PLPP4: variants seen among roughly 807,000 people sequenced by gnomAD.
PLPP4 encodes the protein diacylglycerol pyrophosphate like 2.
Under a neutral mutation model 32.2 loss-of-function variants are expected in PLPP4, and 20 were observed. The observed-to-expected ratio is 0.62, with a 90% CI of 0.44 to 0.90. The LOEUF (loss-of-function observed/expected upper bound fraction) is 0.90. PLPP4 is among the 40% of genes least tolerant of loss of function. The pLI is 0.00. For synonymous variants in PLPP4, 127 were observed against 133.0 expected, an observed-to-expected ratio of 0.95 and a Z score of 0.31; for missense variants, 257 against 353.1, an observed-to-expected ratio of 0.73 and a Z score of 2.18.
At chr10:120,463,092 A>G (rs1335908802) in intron 1 of PLPP4, among the ~76,000 whole-genome samples, 1 of 138,014 alleles carries the variant, frequency 7.2e-6, no homozygotes, top group East Asian at 2.1e-4. Context: ...CAATGGTGCG[A>G]TCTCGGCTCA....
chr10:120,525,026 C>T (rs1356524549), intron 5 of PLPP4, among the ~76,000 whole-genome samples: 4 of 152,168 alleles, frequency 2.6e-5, no homozygotes, highest in Non-Finnish European at 4.4e-5. Flanking sequence ...TAAAGCAATA[C>T]TCTCATCCAG....
At chr10:120,556,396 A>G (rs1168935689) in intron 5 of PLPP4, among the ~76,000 whole-genome samples, 1 of 152,218 alleles carries the variant, frequency 6.6e-6, no homozygotes, top group Non-Finnish European at 1.5e-5. Flanking sequence ...GGAGTGGAAC[A>G]GTTATGTTTA....
intron 5 of PLPP4, among the ~76,000 whole-genome samples, chr10:120,547,250 CAAA>C (rs1046654201): frequency 6.6e-6 from 1 of 151,404 alleles, no homozygotes; most frequent in African/African-American, 2.4e-5. Context: ...AAATGCCTTT[CAAA>C]GAAAGGCATT....
chr10:120,563,729 A>G (rs1300729101), intron 5 of PLPP4, among the ~76,000 whole-genome samples: 2 of 124,574 alleles, frequency 1.6e-5, no homozygotes, highest in African/African-American at 3.0e-5. Context: ...GAACCCAGGA[A>G]GCGGAGCTTG....
Position 120,469,192 on chromosome 10 carries a change from A to G in PLPP4, c.56+11831A>G, listed in dbSNP as rs1252380257. On this transcript the variant is annotated intron_variant, in intron 1 of 6. Coordinates refer to ENST00000398250, the MANE Select transcript of PLPP4 (RefSeq NM_001030059.3). The stretch of plus-strand genomic sequence containing the variant: ...AATTTTATGATGTAATAGTTAAGGA[A>G]AAGCACTATACAAAAATATACCTCG... Among the ~76,000 whole-genome samples, 4 of 61,916 alleles carry G rather than the reference A, an allele frequency of 6.5e-5. 2 individuals are homozygous for G. The highest frequency in any genetic ancestry group is 1.9e-4 in the Non-Finnish European group (4 of 21,576). 40.6% of individuals were successfully genotyped at this position (61,916 alleles called of 152,430 possible). A position where few individuals can be genotyped will look rare whatever the true frequency, so the allele number is the denominator to read the frequency against.
At position 120,564,453 on chromosome 10, in the gene PLPP4, G is replaced by A. The variant is rs188873656; in HGVS notation, c.446-10678G>A. 2.6e-5 allele frequency among the ~76,000 whole-genome samples: 4 copies of A among 151,934 alleles called. No homozygotes were observed. In the East Asian group the frequency reaches 5.8e-4, roughly 22 times the overall value. On this transcript the variant is annotated intron_variant, in intron 5 of 6. Coordinates refer to ENST00000398250, the MANE Select transcript of PLPP4 (RefSeq NM_001030059.3). ...GAATTTTAAAATTGTTGGACACAAA[G>A]TTGTTATATGTCTATTAGAACAAGA...
At chr10:120,533,989 C>A (rs891948851) in intron 5 of PLPP4, among the ~76,000 whole-genome samples, 25 of 152,112 alleles carry the variant, frequency 1.6e-4, no homozygotes, top group African/African-American at 5.6e-4. Context: ...CTTTTTAAAT[C>A]AGTTAAGAAA....
chr10:120,528,068 C>CTTTTTTTTTTTTTTTTTTTT (rs1564817488), intron 5 of PLPP4, among the ~76,000 whole-genome samples: 1 of 120,272 alleles, frequency 8.3e-6, no homozygotes, highest in African/African-American at 3.4e-5. Flanking sequence ...TACCACTCTC[C>CTTTTTTTTTTTTTTTTTTTT]GTTTTTTTTT....
At chr10:120,531,587 G>A (rs923974862) in intron 5 of PLPP4, among the ~76,000 whole-genome samples, 4 of 151,824 alleles carry the variant, frequency 2.6e-5, no homozygotes, top group Non-Finnish European at 5.9e-5. Flanking sequence ...TTATATTTAG[G>A]CTTTTCTCTA....
At chr10:120,467,225 C>T (rs1422316916) in intron 1 of PLPP4, among the ~76,000 whole-genome samples, 1 of 62,916 alleles carries the variant, frequency 1.6e-5, no homozygotes, top group African/African-American at 3.4e-5. Flanking sequence ...ACTACAGGCA[C>T]CCGCCACCAT....
intron 5 of PLPP4, among the ~76,000 whole-genome samples, chr10:120,534,552 A>G (rs1846909835): frequency 6.6e-6 from 1 of 151,520 alleles, no homozygotes; most frequent in African/African-American, 2.4e-5. Flanking sequence ...CTCCTCTCTT[A>G]TTACTTCTTC....
intron 5 of PLPP4, among the ~76,000 whole-genome samples, chr10:120,555,094 TG>T (rs1848093471): frequency 6.7e-6 from 1 of 149,282 alleles, no homozygotes; most frequent in Non-Finnish European, 1.5e-5. Context: ...ATGTGGGGGG[TG>T]GGGGTGGAAG....
intron 5 of PLPP4, among the ~76,000 whole-genome samples, chr10:120,573,161 T>C (rs1253890882): frequency 1.3e-5 from 2 of 152,200 alleles, no homozygotes; most frequent in Non-Finnish European, 2.9e-5. Context: ...ACAAGCATTT[T>C]ACACACTGTG....
chr10:120,474,462 G>A (rs1199536497), intron 1 of PLPP4, among the ~76,000 whole-genome samples: 2 of 152,064 alleles, frequency 1.3e-5, no homozygotes, highest in Non-Finnish European at 2.9e-5. Flanking sequence ...TAATACTGAT[G>A]ACAGTTATAT....
At chr10:120,521,386 C>G (rs917815666) in intron 5 of PLPP4, among the ~76,000 whole-genome samples, 2 of 152,216 alleles carry the variant, frequency 1.3e-5, no homozygotes, top group Admixed American at 6.5e-5. Context: ...AGGGAATTCT[C>G]TACGCTCCCT....
intron 3 of PLPP4, among the ~76,000 whole-genome samples, chr10:120,515,432 T>A (rs1845897550): frequency 6.6e-6 from 1 of 152,222 alleles, no homozygotes; most frequent in Admixed American, 6.5e-5. Flanking sequence ...CAAATCTGTC[T>A]GCCTGTTCAA....
intron 2 of PLPP4, among the ~76,000 whole-genome samples, chr10:120,511,037 C>T (rs1461204615): frequency 1.3e-5 from 2 of 152,108 alleles, no homozygotes; most frequent in Non-Finnish European, 2.9e-5. Flanking sequence ...AGCCTTGGGC[C>T]CTCCTAGGTG....
intron 6 of PLPP4, among the ~76,000 whole-genome samples, chr10:120,576,783 T>C (rs887037943): frequency 6.6e-6 from 1 of 152,208 alleles, no homozygotes; most frequent in African/African-American, 2.4e-5. Context: ...GATGAAATTC[T>C]GGATGATAAG....
At chr10:120,459,088 G>T (rs1051587287) in intron 1 of PLPP4, among the ~76,000 whole-genome samples, 17 of 152,212 alleles carry the variant, frequency 1.1e-4, no homozygotes, top group African/African-American at 3.4e-4. Flanking sequence ...GATGTTTACA[G>T]ATATACAATG....
Sources: gnomAD v4.1 joint callset for allele counts (sites outside exome capture counted in the v4.1 genomes callset) on GRCh38, gnomAD v4.1.1 for gene constraint, MANE v1.5 for transcripts, NCBI Gene and HGNC (gene_info 2026-07-23, HGNC 2026-07-21) for gene names.